RIMS2: variants seen among roughly 807,000 people sequenced by gnomAD.
RIMS2 encodes regulating synaptic membrane exocytosis protein 2.
Under a neutral mutation model 174.4 loss-of-function variants are expected in RIMS2, and 59 were observed. The ratio of observed to expected loss-of-function variants is 0.34; its 90% CI spans 0.27 to 0.42. RIMS2 has a LOEUF of 0.42. Among genes scored for constraint, RIMS2 ranks in the 10% least tolerant of loss-of-function variants. RIMS2 has a pLI of 1.00. For missense variants in RIMS2, 1,620 were observed against 1,666.3 expected (o/e 0.97, Z 0.48); for synonymous variants, 606 against 572.5 (o/e 1.06, Z -0.84).
At chr8:103,709,118 C>T (rs2097269393) in intron 2 of RIMS2, among the ~76,000 whole-genome samples, 1 of 152,068 alleles carries the variant, frequency 6.6e-6, no homozygotes, top group Non-Finnish European at 1.5e-5. Context: ...AATGTCAAAT[C>T]TGCTGTTTAT....
At chr8:104,049,627 G>T (rs1442257224) in intron 19 of RIMS2, among the ~76,000 whole-genome samples, 1 of 152,100 alleles carries the variant, frequency 6.6e-6, no homozygotes, top group Non-Finnish European at 1.5e-5. Context: ...TTAAAAAAAT[G>T]AGGTTGAGGG....
chr8:103,785,827 A>G (rs1031618946), intron 3 of RIMS2, among the ~76,000 whole-genome samples: 14 of 152,200 alleles, frequency 9.2e-5, no homozygotes, highest in Non-Finnish European at 5.9e-5. Flanking sequence ...ATTGATTGGA[A>G]TAGTTTCAGA....
intron 19 of RIMS2, among the ~76,000 whole-genome samples, chr8:104,070,548 T>C (rs2097178933): frequency 1.3e-5 from 2 of 152,240 alleles, no homozygotes; most frequent in Non-Finnish European, 2.9e-5. Flanking sequence ...CATTTGTTTG[T>C]TTTGTATTTC....
chr8:104,068,437 G>T (rs941272349), intron 19 of RIMS2, 75 bp from the exon 23 acceptor site: 9 of 651,050 alleles, frequency 1.4e-5, no homozygotes, highest in South Asian at 9.7e-5. Flanking sequence ...GCTTTTCTTC[G>T]TTTATACATC....
intron 1 of RIMS2, among the ~76,000 whole-genome samples, chr8:103,622,870 TAAAG>T (rs576395721): frequency 1.4e-3 from 217 of 152,174 alleles, no homozygotes; most frequent in Non-Finnish European, 2.4e-3. Flanking sequence ...ACTCAAAACA[TAAAG>T]AAAGGAAGTA....
At chr8:104,021,475 A>C (rs1053288653) in intron 19 of RIMS2, among the ~76,000 whole-genome samples, 1 of 152,338 alleles carries the variant, frequency 6.6e-6, no homozygotes, top group East Asian at 1.9e-4. Flanking sequence ...ATATGTCGGC[A>C]ATCTGAAATA....
intron 3 of RIMS2, among the ~76,000 whole-genome samples, chr8:103,780,514 T>G (rs2098376914): frequency 6.6e-6 from 1 of 152,176 alleles, no homozygotes; most frequent in Non-Finnish European, 1.5e-5. Flanking sequence ...GCTTGATCCA[T>G]TCTGTTGTTG....
At chr8:104,249,259 G>A (rs186492154) in intron 21 of RIMS2, among the ~76,000 whole-genome samples, 2 of 151,896 alleles carry the variant, frequency 1.3e-5, no homozygotes, top group East Asian at 1.9e-4. Context: ...AATATTATCA[G>A]CAGGAATCAA....
At chr8:103,924,071 A>T (rs1172225374) in intron 10 of RIMS2, among the ~76,000 whole-genome samples, 1 of 151,642 alleles carries the variant, frequency 6.6e-6, no homozygotes, top group Non-Finnish European at 1.5e-5. Context: ...ATGAATAATG[A>T]TACTGTGGAA....
chr8:104,177,083 T>C (rs897288876), intron 19 of RIMS2, among the ~76,000 whole-genome samples: 4 of 152,144 alleles, frequency 2.6e-5, no homozygotes, highest in Non-Finnish European at 5.9e-5. Flanking sequence ...ACTATAATTA[T>C]GGTTAATAAT....
At chr8:103,599,261 C>T (rs2094597361) in intron 1 of RIMS2, among the ~76,000 whole-genome samples, 1 of 151,068 alleles carries the variant, frequency 6.6e-6, no homozygotes, top group Admixed American at 6.6e-5. Context: ...TGTTTTTATT[C>T]TCCGTTTTTA....
At chr8:103,724,774 A>G (rs2097505087) in intron 2 of RIMS2, among the ~76,000 whole-genome samples, 1 of 152,166 alleles carries the variant, frequency 6.6e-6, no homozygotes, top group African/African-American at 2.4e-5. Context: ...CTTTTTTCAT[A>G]TATAGAATTC....
At chr8:103,565,381 T>C (rs757973985) in intron 1 of RIMS2, among the ~76,000 whole-genome samples, 1 of 152,214 alleles carries the variant, frequency 6.6e-6, no homozygotes, top group South Asian at 2.1e-4. Context: ...CTCAGCTCAC[T>C]GCAAGCTCGA....
At chr8:103,885,687 G>A in exon 4 of RIMS2, 1 of 1,613,034 alleles carries the variant, frequency 6.2e-7, no homozygotes, top group Non-Finnish European at 8.5e-7. Context: ...TCCCGAGCAC[G>A]GCATGAGAGA....
intron 1 of RIMS2, among the ~76,000 whole-genome samples, chr8:103,524,789 G>C (rs1833223173): frequency 6.6e-6 from 1 of 152,140 alleles, no homozygotes; most frequent in Non-Finnish European, 1.5e-5. Context: ...GAACTGCACT[G>C]TTGTTACAGT....
chr8:103,668,023 C>T (rs918671386), intron 1 of RIMS2, among the ~76,000 whole-genome samples: 2 of 152,242 alleles, frequency 1.3e-5, no homozygotes, highest in African/African-American at 4.8e-5. Flanking sequence ...GACAAACTTT[C>T]TTTAACCTGG....
chr8:103,626,829 G>A (rs991451147), intron 1 of RIMS2, among the ~76,000 whole-genome samples: 41 of 148,480 alleles, frequency 2.8e-4, no homozygotes, highest in Non-Finnish European at 3.7e-4. Flanking sequence ...TAAAAGGGGA[G>A]GGGGGGTGTA....
At chr8:103,793,317 C>G (rs778539970) in intron 3 of RIMS2, among the ~76,000 whole-genome samples, 2 of 152,142 alleles carry the variant, frequency 1.3e-5, no homozygotes, top group Non-Finnish European at 2.9e-5. Context: ...ATAAACAGAA[C>G]CAAGACAAAA....
intron 3 of RIMS2, among the ~76,000 whole-genome samples, chr8:103,819,027 G>A (rs2098734937): frequency 6.6e-6 from 1 of 152,110 alleles, no homozygotes; most frequent in African/African-American, 2.4e-5. Context: ...AAGGGTTGGG[G>A]AAATGCATAA....
Sources: allele counts gnomAD v4.1 joint callset (sites outside exome capture counted in the v4.1 genomes callset), GRCh38; gene constraint gnomAD v4.1.1; transcripts MANE v1.5; gene names NCBI Gene and HGNC (gene_info 2026-07-23, HGNC 2026-07-21).